Variants in BTBD10 observed in about 807,000 individuals in gnomAD.
The protein encoded by BTBD10 is BTB/POZ domain-containing protein 10.
Under a neutral mutation model 53.2 loss-of-function variants are expected in BTBD10, and 21 were observed. The ratio of observed to expected loss-of-function variants is 0.39; its 90% CI spans 0.28 to 0.57. The LOEUF (loss-of-function observed/expected upper bound fraction) is 0.57, where lower values mean the gene tolerates loss of function less well. BTBD10 is among the 20% of genes least tolerant of loss of function. The pLI, the probability that BTBD10 is intolerant of heterozygous loss-of-function variation, is 0.53. For synonymous variants in BTBD10, 149 were observed against 192.7 expected (o/e 0.77, Z 1.88); for missense variants, 360 against 594.7 (o/e 0.61, Z 4.10).
At chr11:13,392,452 C>G (rs966922403) in intron 8 of BTBD10, among the ~76,000 whole-genome samples, 1 of 151,978 alleles carries the variant, frequency 6.6e-6, no homozygotes, top group Non-Finnish European at 1.5e-5. Flanking sequence ...TGGGAAATAG[C>G]TGGAGGTAAC....
At chr11:13,445,855 T>C (rs756030957) in intron 1 of BTBD10, among the ~76,000 whole-genome samples, 1 of 152,182 alleles carries the variant, frequency 6.6e-6, no homozygotes, top group Non-Finnish European at 1.5e-5. Context: ...ACAACAGCTT[T>C]ACAGAATATC....
intron 8 of BTBD10, among the ~76,000 whole-genome samples, chr11:13,396,106 T>C (rs578082961): frequency 2.5e-4 from 38 of 152,284 alleles, no homozygotes; most frequent in South Asian, 4.1e-4. Context: ...GGGGATGGCA[T>C]TGAATCTGTA....
At chr11:13,398,589 T>C (rs1449036720) in intron 8 of BTBD10, among the ~76,000 whole-genome samples, 1 of 152,226 alleles carries the variant, frequency 6.6e-6, no homozygotes, top group Non-Finnish European at 1.5e-5. Flanking sequence ...GTCATTATGA[T>C]GTTAGCTGGT....
At chr11:13,455,652 A>C (rs2134058684) in intron 1 of BTBD10, among the ~76,000 whole-genome samples, 1 of 152,324 alleles carries the variant, frequency 6.6e-6, no homozygotes, top group South Asian at 2.1e-4. Flanking sequence ...AACCAGAAAC[A>C]CCTTAGTTGA....
At position 13,461,184 on chromosome 11, in the gene BTBD10, T is replaced by C. The variant is rs554153764; in HGVS notation, c.-58+1908A>G. ...CATAAAATTTATTAATTTTGATTTA[T>C]AACAGAGCTTCTAAACTGGAGAGGA... On this transcript the variant is annotated intron_variant, in intron 1 of 8. Transcript: ENST00000278174. Among the ~76,000 whole-genome samples the C allele has an allele frequency of 3.3e-5, 5 of 152,344 alleles. No homozygotes were observed. The South Asian group carries it at 1.0e-3, about 32-fold the overall frequency.
chr11:13,451,767 G>C (rs942827216), intron 1 of BTBD10, among the ~76,000 whole-genome samples: 2 of 152,150 alleles, frequency 1.3e-5, no homozygotes, highest in Admixed American at 6.6e-5. Context: ...CTCCAAGTTG[G>C]CCCAGATGTT....
chr11:13,445,181 C>A lies in BTBD10; in HGVS notation c.-57G>T, dbSNP rs1565268010. The A allele has an allele frequency of 7.9e-7, 1 of 1,264,378 alleles. No homozygotes were observed. Among genetic ancestry groups the A allele is most frequent in the East Asian group, 2.3e-5 (1 of 43,058 alleles). The allele number at this position is 1,264,378 out of a possible 1,614,324, so 78.3% of individuals were successfully genotyped here. A position where few individuals can be genotyped will look rare whatever the true frequency, so the allele number is the denominator to read the frequency against. The stretch of plus-strand genomic sequence containing the variant: ...GAAAGCACACATGTAGCACCCATAA[C>A]CTACATAAAAGAGCAGTGTTGACCT... On this transcript the variant is annotated splice_region_variant and 5_prime_UTR_variant, in exon 2 of 9. Coordinates refer to ENST00000278174, the MANE Select transcript of BTBD10 (RefSeq NM_032320.7).
chr11:13,404,287 G>A (rs946452562), intron 7 of BTBD10, among the ~76,000 whole-genome samples: 17 of 151,994 alleles, frequency 1.1e-4, no homozygotes, highest in Non-Finnish European at 2.4e-4. Flanking sequence ...GGATCATCTT[G>A]ATACAAAATA....
At chr11:13,395,804 G>C (rs1008031602) in intron 8 of BTBD10, among the ~76,000 whole-genome samples, 152 of 152,128 alleles carry the variant, frequency 1.0e-3, no homozygotes, top group African/African-American at 3.4e-3. Context: ...GAATCCTTTC[G>C]CCATTGCTTG....
chr11:13,451,978 G>T (rs1950868460), intron 1 of BTBD10, among the ~76,000 whole-genome samples: 1 of 152,206 alleles, frequency 6.6e-6, no homozygotes, highest in East Asian at 1.9e-4. Flanking sequence ...TGAAAAATTA[G>T]ATGGGTACAA....
intron 1 of BTBD10, among the ~76,000 whole-genome samples, chr11:13,455,568 G>C (rs946384232): frequency 6.6e-6 from 1 of 152,038 alleles, no homozygotes; most frequent in Non-Finnish European, 1.5e-5. Flanking sequence ...AACTCAAAAG[G>C]CATATTTTTT....
intron 2 of BTBD10, among the ~76,000 whole-genome samples, chr11:13,429,617 A>T (rs1385555385): frequency 1.4e-5 from 2 of 146,366 alleles, no homozygotes; most frequent in Non-Finnish European, 3.0e-5. Flanking sequence ...AATTCTAGAG[A>T]AAAAAAAAAA....
rs868366395 is a variant in BTBD10 at position 13,398,479 on chromosome 11, G to A, written c.1117+4689C>T. Among the ~76,000 whole-genome samples, 1,235 of 152,184 alleles carry A rather than the reference G, an allele frequency of 8.1e-3. 19 individuals carry two copies. The highest frequency in any genetic ancestry group is 0.028 in the African/African-American group (1,151 of 41,502). ...TCTCCTGAATACAGCACACTGATGGGTCTTGACTCTTTATCCAATTTGCCA... is the reference window on the plus strand; with the variant it reads ...TCTCCTGAATACAGCACACTGATGGATCTTGACTCTTTATCCAATTTGCCA... On this transcript the variant is annotated intron_variant, in intron 8 of 8. Transcript: ENST00000278174.
At chr11:13,449,300 T>A (rs1351979569) in intron 1 of BTBD10, among the ~76,000 whole-genome samples, 3 of 152,154 alleles carry the variant, frequency 2.0e-5, no homozygotes, top group Non-Finnish European at 2.9e-5. Flanking sequence ...ACTATCGAAG[T>A]TCTAGGAAGT....
chr11:13,443,343 C>A (rs902532102), intron 2 of BTBD10, among the ~76,000 whole-genome samples: 3 of 151,922 alleles, frequency 2.0e-5, no homozygotes, highest in African/African-American at 7.2e-5. Flanking sequence ...AATGAAACAA[C>A]AATAATGAAA....
intron 2 of BTBD10, among the ~76,000 whole-genome samples, chr11:13,427,855 A>C (rs2133987569): frequency 6.6e-6 from 1 of 152,314 alleles, no homozygotes; most frequent in South Asian, 2.1e-4. Context: ...GAAATTAAAT[A>C]ATATCTTTAC....
At chr11:13,401,052 AT>A (rs1474060858) in intron 8 of BTBD10, among the ~76,000 whole-genome samples, 2 of 151,854 alleles carry the variant, frequency 1.3e-5, no homozygotes, top group East Asian at 1.9e-4. Context: ...GTATTCTTTA[AT>A]TTTGTTGGGT....
At chr11:13,407,893 T>C (rs1260122897) in intron 6 of BTBD10, among the ~76,000 whole-genome samples, 1 of 152,206 alleles carries the variant, frequency 6.6e-6, no homozygotes, top group Non-Finnish European at 1.5e-5. Context: ...GCCTCCAGGA[T>C]TTGAGAAGTT....
chr11:13,403,470 T>A (rs1411355487), intron 7 of BTBD10, among the ~76,000 whole-genome samples, 192 bp from the exon 8 acceptor site: 1 of 152,118 alleles, frequency 6.6e-6, no homozygotes, highest in Non-Finnish European at 1.5e-5. Flanking sequence ...AATGTCTACT[T>A]AAGTGGAAAC....
Sources: allele counts gnomAD v4.1 joint callset (sites outside exome capture counted in the v4.1 genomes callset), GRCh38; gene constraint gnomAD v4.1.1; transcripts MANE v1.5; gene names NCBI Gene and HGNC (gene_info 2026-07-23, HGNC 2026-07-21).